The following ST7 variants were observed in gnomAD, a reference collection of about 807,000 sequenced individuals.
ST7 encodes the protein suppressor of tumorigenicity 7 protein.
ST7 carries 28 observed loss-of-function variants against 78.7 expected under a neutral mutation model. That is an observed-to-expected ratio of 0.36 (90% confidence interval 0.26 to 0.49). The LOEUF is 0.49. Among genes scored for constraint, ST7 ranks in the 20% least tolerant of loss-of-function variants. ST7 has a pLI of 0.99. For synonymous variants in ST7, 247 were observed against 249.6 expected, an observed-to-expected ratio of 0.99 and a Z score of 0.10; for missense variants, 418 against 696.0, an observed-to-expected ratio of 0.60 and a Z score of 4.49.
At chr7:116,958,250 C>T (rs1390331345) in intron 1 of ST7, among the ~76,000 whole-genome samples, 2 of 147,068 alleles carry the variant, frequency 1.4e-5, no homozygotes, top group East Asian at 4.1e-4. Context: ...GCCTCCACCT[C>T]CCAAAGTGCT....
At chr7:117,010,489 A>G (rs1795343874) in intron 1 of ST7, among the ~76,000 whole-genome samples, 1 of 152,204 alleles carries the variant, frequency 6.6e-6, no homozygotes, top group South Asian at 2.1e-4. Context: ...GGAAATGCTG[A>G]TGCAGATGCA....
chr7:117,180,247 G>A (rs1174974967), intron 10 of ST7, among the ~76,000 whole-genome samples: 5 of 152,150 alleles, frequency 3.3e-5, no homozygotes, highest in Admixed American at 3.3e-4. Flanking sequence ...TAGCCCATCA[G>A]TGCCTACCTA....
intron 12 of ST7, among the ~76,000 whole-genome samples, chr7:117,198,863 CTTTCTGTTATA>C (rs1810550395): frequency 6.6e-6 from 1 of 152,032 alleles, no homozygotes; most frequent in Non-Finnish European, 1.5e-5. Flanking sequence ...CCACCCCTGT[CTTTCTGTTATA>C]TAACTCATAT....
At chr7:117,026,762 A>G (rs538669329) in intron 1 of ST7, among the ~76,000 whole-genome samples, 3 of 152,176 alleles carry the variant, frequency 2.0e-5, no homozygotes, top group Admixed American at 1.3e-4. Context: ...GGGGGCCTGG[A>G]TATCTGCCAG....
chr7:116,992,250 T>A (rs139240549), intron 1 of ST7, among the ~76,000 whole-genome samples: 209 of 152,314 alleles, frequency 1.4e-3, no homozygotes, highest in African/African-American at 4.5e-3. Context: ...GACCCTTCAT[T>A]TCCCTTCTGC....
intron 9 of ST7, among the ~76,000 whole-genome samples, chr7:117,152,166 ATATATAAAAAC>A (rs1806304116): frequency 4.3e-5 from 5 of 116,678 alleles, no homozygotes; most frequent in African/African-American, 1.8e-4. Flanking sequence ...TATGTATTAT[ATATATAAAAAC>A]TATATATATA....
intron 2 of ST7, among the ~76,000 whole-genome samples, chr7:117,107,603 C>CTTTT (rs71528121): frequency 1.4e-5 from 1 of 73,574 alleles, no homozygotes; most frequent in Non-Finnish European, 2.7e-5. Context: ...TAGCCCACTT[C>CTTTT]TTTTTTTTTT....
chr7:117,180,826 T>C (rs1191506957), intron 10 of ST7, among the ~76,000 whole-genome samples: 3 of 152,150 alleles, frequency 2.0e-5, no homozygotes, highest in African/African-American at 7.2e-5. Flanking sequence ...ATTTTTTCTA[T>C]TTTTTGTAGA....
intron 1 of ST7, among the ~76,000 whole-genome samples, chr7:116,978,288 AT>A (rs1793795001): frequency 6.6e-6 from 1 of 152,228 alleles, no homozygotes; most frequent in African/African-American, 2.4e-5. Context: ...GTTTTCTGAT[AT>A]CCCCCGATTT....
intron 2 of ST7, among the ~76,000 whole-genome samples, chr7:117,110,104 A>G (rs1200264073): frequency 6.6e-6 from 1 of 152,236 alleles, no homozygotes; most frequent in Non-Finnish European, 1.5e-5. Context: ...GCAATCTTTT[A>G]GCATATATGT....
chr7:117,051,747 T>A (rs1254772975), intron 1 of ST7, among the ~76,000 whole-genome samples: 2 of 152,104 alleles, frequency 1.3e-5, no homozygotes, highest in Non-Finnish European at 2.9e-5. Flanking sequence ...CATACTTGGA[T>A]GGTAGAACTG....
At chr7:117,154,016 A>C (rs546554541) in intron 9 of ST7, among the ~76,000 whole-genome samples, 1 of 152,316 alleles carries the variant, frequency 6.6e-6, no homozygotes, top group East Asian at 1.9e-4. Flanking sequence ...TGAGGAGTGC[A>C]GCGTGATGAA....
chr7:117,226,133 T>C (rs1356981584), intron 15 of ST7, among the ~76,000 whole-genome samples: 1 of 152,148 alleles, frequency 6.6e-6, no homozygotes, highest in Non-Finnish European at 1.5e-5. Context: ...TTGATTACCG[T>C]GAAATGTCAA....
chr7:116,965,170 T>C (rs1202439115), intron 1 of ST7, among the ~76,000 whole-genome samples: 1 of 151,958 alleles, frequency 6.6e-6, no homozygotes, highest in Non-Finnish European at 1.5e-5. Flanking sequence ...AAACGCTATC[T>C]CTACTAAAAA....
intron 9 of ST7, among the ~76,000 whole-genome samples, chr7:117,142,558 C>G (rs1459171355): frequency 6.6e-6 from 1 of 151,896 alleles, no homozygotes; most frequent in African/African-American, 2.4e-5. Flanking sequence ...AACCACTGAT[C>G]TAGAGAATCT....
chr7:117,147,387 T>TGCCAGA (rs1399993188), intron 9 of ST7, among the ~76,000 whole-genome samples: 1 of 152,188 alleles, frequency 6.6e-6, no homozygotes, highest in Non-Finnish European at 1.5e-5. Flanking sequence ...AATGGCTGCC[T>TGCCAGA]ATGATTAAAT....
intron 1 of ST7, among the ~76,000 whole-genome samples, chr7:116,964,280 C>T (rs1010771298): frequency 2.0e-5 from 3 of 152,118 alleles, no homozygotes; most frequent in African/African-American, 7.2e-5. Context: ...TAAGCTTTTC[C>T]AGTTTCTGGA....
chr7:117,128,246 C>T (rs1487278802), intron 3 of ST7: 3 of 151,790 alleles, frequency 2.0e-5, no homozygotes, highest in African/African-American at 7.3e-5. Flanking sequence ...GTGGTGAGGT[C>T]CAGGTAGTTA....
intron 1 of ST7, among the ~76,000 whole-genome samples, chr7:117,007,087 A>G (rs1169701084): frequency 6.6e-6 from 1 of 152,248 alleles, no homozygotes; most frequent in Non-Finnish European, 1.5e-5. Context: ...AGGAAGAGTC[A>G]TATGCCTCTC....
Sources: gnomAD v4.1 joint callset for allele counts (sites outside exome capture counted in the v4.1 genomes callset) on GRCh38, gnomAD v4.1.1 for gene constraint, MANE v1.5 for transcripts, NCBI Gene and HGNC (gene_info 2026-07-23, HGNC 2026-07-21) for gene names.